Variants in DLC1 observed in about 807,000 individuals in gnomAD.
The protein encoded by DLC1 is rho GTPase-activating protein 7.
In DLC1, 54 loss-of-function variants were observed where a neutral mutation model predicts 140.3. The ratio of observed to expected loss-of-function variants is 0.38; its 90% CI spans 0.31 to 0.48. The LOEUF is 0.48. DLC1 is among the 20% of genes least tolerant of loss of function. DLC1 has a pLI of 0.96. For synonymous variants in DLC1, 986 were observed against 728.1 expected (o/e 1.35, Z -5.70); for missense variants, 2,536 against 1,907.0 (o/e 1.33, Z -6.14).
At chr8:13,310,578 AC>A (rs1293573248) in intron 4 of DLC1, among the ~76,000 whole-genome samples, 3 of 152,238 alleles carry the variant, frequency 2.0e-5, no homozygotes, top group African/African-American at 7.2e-5. Flanking sequence ...TTTTGGGAAG[AC>A]ATGAAAGACA....
In DLC1 at chr8:13,374,590, G is replaced by A. The variant is rs1376010989; in HGVS notation, c.1314+18963C>T. Among the ~76,000 whole-genome samples the A allele has an allele frequency of 3.9e-5, 6 of 152,192 alleles. No homozygotes were observed. The South Asian group carries it at 1.2e-3, about 32-fold the overall frequency. ...ATGAGGTCAGGAGTTTGAGACCCGCGTGGCCAACATGGTGAAACCCCATCT... is the reference window on the plus strand; with the variant it reads ...ATGAGGTCAGGAGTTTGAGACCCGCATGGCCAACATGGTGAAACCCCATCT... On this transcript the variant is annotated intron_variant, in intron 4 of 17. Transcript: ENST00000276297.
intron 1 of DLC1, among the ~76,000 whole-genome samples, chr8:13,531,806 C>G (rs1219606400): frequency 6.6e-6 from 1 of 152,122 alleles, no homozygotes; most frequent in African/African-American, 2.4e-5. Context: ...TCAGCTATCT[C>G]TAAGCAAGAT....
intron 5 of DLC1, among the ~76,000 whole-genome samples, chr8:13,119,330 T>G (rs1428973077): frequency 1.3e-5 from 2 of 151,680 alleles, no homozygotes; most frequent in Non-Finnish European, 2.9e-5. Context: ...ACCCAAGCAC[T>G]CTAGCCAAAG....
At chr8:13,305,007 G>GAA in intron 5 of DLC1, 1 of 1,092,694 alleles carries the variant, frequency 9.2e-7, no homozygotes, top group Non-Finnish European at 1.1e-6. Context: ...TTTTGCTTAA[G>GAA]AAAAAAAAAT....
At chr8:13,435,264 G>A (rs2116892435) in intron 2 of DLC1, among the ~76,000 whole-genome samples, 1 of 152,266 alleles carries the variant, frequency 6.6e-6, no homozygotes, top group East Asian at 1.9e-4. Flanking sequence ...TTAAAGATGT[G>A]GCTGAATGGC....
chr8:13,307,922 T>C (rs1179264304), intron 4 of DLC1, among the ~76,000 whole-genome samples: 1 of 152,248 alleles, frequency 6.6e-6, no homozygotes, highest in Admixed American at 6.5e-5. Flanking sequence ...AAGTTTGGAT[T>C]GGTCTTATGA....
intron 7 of DLC1, among the ~76,000 whole-genome samples, chr8:13,105,769 G>C (rs138469099): frequency 7.0e-4 from 106 of 152,022 alleles, no homozygotes; most frequent in African/African-American, 2.5e-3. Context: ...AGTAGAAGTG[G>C]GGGTTTGCCA....
At chr8:13,265,710 C>G (rs781567285) in intron 5 of DLC1, among the ~76,000 whole-genome samples, 2 of 151,480 alleles carry the variant, frequency 1.3e-5, no homozygotes, top group Non-Finnish European at 2.9e-5. Context: ...CTCCTCTCCT[C>G]TTCTCTCCCC....
At position 13,528,702 on chromosome 8, in the gene DLC1, T is replaced by C. The variant is rs866847739; in HGVS notation, c.-125-28506A>G. On this transcript the variant is annotated intron_variant, in intron 1 of 1. Coordinates refer to the DLC1 transcript ENST00000631382. The stretch of plus-strand genomic sequence containing the variant: ...TGGGGCCTTGCTGAGCTGCAAGTTT[T>C]TTAATGAGTTAAAATAATATTTTGG... 2.6e-5 allele frequency among the ~76,000 whole-genome samples: 4 copies of C among 152,196 alleles called. No individual in the cohort carries two copies. The South Asian group carries it at 8.3e-4, about 31-fold the overall frequency.
At chr8:13,585,427 G>A (rs1805266033) in intron 1 of DLC1, among the ~76,000 whole-genome samples, 3 of 152,086 alleles carry the variant, frequency 2.0e-5, no homozygotes, top group African/African-American at 4.8e-5. Context: ...AAAGAATGAA[G>A]AAATTAAAAA....
At chr8:13,093,460 G>A (rs74691840) in intron 12 of DLC1, among the ~76,000 whole-genome samples, 2,557 of 152,198 alleles carry the variant, frequency 0.017, 29 homozygotes, top group Non-Finnish European at 0.027. Context: ...AAGCATGCTC[G>A]AGAGGCTATA....
At chr8:13,164,455 C>T (rs1824955209) in intron 5 of DLC1, among the ~76,000 whole-genome samples, 1 of 152,164 alleles carries the variant, frequency 6.6e-6, no homozygotes, top group South Asian at 2.1e-4. Context: ...TTCATCCAGT[C>T]AAGGCAGTAG....
intron 5 of DLC1, among the ~76,000 whole-genome samples, chr8:13,141,114 G>A (rs1394412637): frequency 2.0e-5 from 3 of 151,908 alleles, no homozygotes; most frequent in Admixed American, 6.6e-5. Flanking sequence ...AATTAGCTGG[G>A]CATGGTGGCG....
intron 1 of DLC1, chr8:13,559,322 A>G (rs1418401525): frequency 2.6e-5 from 4 of 152,272 alleles, no homozygotes; most frequent in African/African-American, 9.6e-5. Context: ...CAAGTTAAGC[A>G]TGGAAGGCTC....
At chr8:13,541,664 C>G (rs1284246695) in intron 1 of DLC1, among the ~76,000 whole-genome samples, 1 of 152,180 alleles carries the variant, frequency 6.6e-6, no homozygotes, top group East Asian at 1.9e-4. Flanking sequence ...ATTCTCCAGC[C>G]TCAGCCTCCC....
At chr8:13,170,808 A>G (rs1234180075) in intron 5 of DLC1, among the ~76,000 whole-genome samples, 1 of 152,068 alleles carries the variant, frequency 6.6e-6, no homozygotes, top group Non-Finnish European at 1.5e-5. Flanking sequence ...CCAGACATCT[A>G]ATGCTAGAAG....
chr8:13,098,711 G>C lies in DLC1; in HGVS notation c.2991-136C>G, dbSNP rs902108548. 16 of 919,498 alleles carry C rather than the reference G, an allele frequency of 1.7e-5. No individual in the cohort carries two copies. In the African/African-American group the frequency reaches 2.7e-4, roughly 15 times the overall value. The allele number at this position is 919,498 out of a possible 1,614,324, so 57.0% of individuals were successfully genotyped here. The stretch of plus-strand genomic sequence containing the variant: ...GCTCACTGCAGCCTTGAACTCCTCA[G>C]CTCAAGTGATCCTCCTGCCTCAGCC... On this transcript the variant is annotated intron_variant, in intron 9 of 17. Coordinates refer to ENST00000276297, the MANE Select transcript of DLC1 (RefSeq NM_182643.3).
At chr8:13,295,683 T>C (rs147426705) in intron 5 of DLC1, among the ~76,000 whole-genome samples, 5 of 152,312 alleles carry the variant, frequency 3.3e-5, no homozygotes, top group Non-Finnish European at 5.9e-5. Flanking sequence ...GGAGGGTCAA[T>C]ACGAGAAGTA....
intron 5 of DLC1, among the ~76,000 whole-genome samples, chr8:13,212,527 C>T (rs530626634): frequency 7.9e-5 from 12 of 152,014 alleles, no homozygotes; most frequent in African/African-American, 1.9e-4. Flanking sequence ...CTGGTTTATA[C>T]GGTTTTGGTA....
Sources: gnomAD v4.1 joint callset for allele counts (sites outside exome capture counted in the v4.1 genomes callset) on GRCh38, gnomAD v4.1.1 for gene constraint, MANE v1.5 for transcripts, NCBI Gene and HGNC (gene_info 2026-07-23, HGNC 2026-07-21) for gene names.